Variants in BAIAP3 observed in about 807,000 individuals in gnomAD.
The protein encoded by BAIAP3 is BAI1 associated protein 3.
A neutral mutation model predicts 149.7 loss-of-function variants in BAIAP3; 180 were observed. That is an observed-to-expected ratio of 1.20 (90% CI 1.07 to 1.36). BAIAP3 has a LOEUF of 1.36. Ranked by LOEUF, BAIAP3 falls within the 40% of genes most tolerant of loss-of-function variation. The pLI is 0.00. For synonymous variants in BAIAP3, 845 were observed against 670.7 expected (o/e 1.26, Z -4.02); for missense variants, 1,767 against 1,563.4 (o/e 1.13, Z -2.20).
chr16:1,348,016 TTG>T lies in BAIAP3; in HGVS notation c.3149+2_3149+3del, dbSNP rs2034500675. 4 of 1,608,164 alleles carry T rather than the reference TTG, an allele frequency of 2.5e-6. No individual in the cohort carries two copies. The highest frequency in any genetic ancestry group is 3.4e-6 in the Non-Finnish European group (4 of 1,179,786). On this transcript the variant is annotated splice_donor_variant and coding_sequence_variant, in exon 32 of 34. Transcript: ENST00000426824. LOFTEE classifies it high-confidence loss of function. Reference sequence around the variant, plus strand: ...CCCTGTATACGACGAACTCTTCTACTTGTGAGTGTCCTAAGCCCCAGCCCCAG... The same window carrying T: ...CCCTGTATACGACGAACTCTTCTACTTGAGTGTCCTAAGCCCCAGCCCCAG...
chr16:1,346,796 G>A, intron 27 of BAIAP3, 51 bp from the exon 28 acceptor site: 3 of 376,236 alleles, frequency 8.0e-6, no homozygotes, highest in Non-Finnish European at 1.2e-5. Context: ...CTGCAGGTGG[G>A]GCCAGCGGGG....
chr16:1,348,060 GCCGGAGCGAGACTC>G, intron 32 of BAIAP3, 22 bp from the exon 33 acceptor site: 2 of 1,490,030 alleles, frequency 1.3e-6, no homozygotes, highest in Non-Finnish European at 8.8e-7. Flanking sequence ...GCTCCAGGCT[GCCGGAGCGAGACTC>G]CCGACTGGCC....
chr16:1,348,098 C>T lies in BAIAP3; in HGVS notation c.3152C>T (p.Ser1051Phe). Residue 1051 changes from serine to phenylalanine, a missense_variant and splice_region_variant, in exon 33 of 34, where the codon TCC becomes TTC. Physicochemically the swap from Ser to Phe is radical, Grantham distance 155. Coordinates refer to ENST00000426824, the MANE Select transcript of BAIAP3 (RefSeq NM_001199097.2). ...TCCCGACTGGCCTCTGTCCGCAGTTCCGTGCCTGCCGAGGCGTGCCGCCGC... is the reference window on the plus strand; with the variant it reads ...TCCCGACTGGCCTCTGTCCGCAGTTTCGTGCCTGCCGAGGCGTGCCGCCGC... Reference protein sequence around the residue: ...HPVYDELFYFSVPAEACRRRA... With the variant: ...HPVYDELFYFFVPAEACRRRA... 1.9e-6 allele frequency: 3 copies of T among 1,602,368 alleles called. No homozygotes were observed. The highest frequency in any genetic ancestry group is 1.3e-5 in the African/African-American group (1 of 75,024).
intron 3 of BAIAP3, 31 bp downstream of exon 3, chr16:1,339,020 A>C (rs969676523): frequency 2.5e-6 from 4 of 1,611,090 alleles, no homozygotes; most frequent in Admixed American, 3.3e-5. Flanking sequence ...GCCCGATACC[A>C]CAGCCCAGCA....
chr16:1,341,041 G>A (rs942901124), intron 6 of BAIAP3, 60 bp downstream of exon 6: 11 of 1,610,166 alleles, frequency 6.8e-6, no homozygotes, highest in Admixed American at 3.4e-5. Flanking sequence ...GCGGGGGCAC[G>A]GGGCAAGGCC....
In BAIAP3 at chr16:1,348,475, AC is replaced by A; in HGVS notation, c.3456del (p.Ter1153GlufsTer17). The A allele has an allele frequency of 6.2e-7, 1 of 1,608,154 alleles. No individual in the cohort carries two copies. Among genetic ancestry groups the A allele is most frequent in the Non-Finnish European group, 8.5e-7 (1 of 1,178,004 alleles). On this transcript the variant is annotated frameshift_variant, in exon 34 of 34. Coordinates refer to ENST00000426824, the MANE Select transcript of BAIAP3 (RefSeq NM_001199097.2). LOFTEE classifies it high-confidence loss of function. ...GAGCTGGAGAAGTGCATGGAGGCGG[AC>A]CCCTGAGTCCATCAGCTGCCAGCCC... ...LKELEKCMEA[D>X]P is the part of the protein sequence containing the mutation.
chr16:1,344,450 TTGG>T lies in BAIAP3; in HGVS notation c.1603-13_1603-11del, dbSNP rs2034169735. ...CTTCCCTGCAATCCACCATGCTGTCTTGGTGGTGTCTGTTGCAGAGAGGCAACC... is the reference window on the plus strand; with the variant it reads ...CTTCCCTGCAATCCACCATGCTGTCTTGGTGTCTGTTGCAGAGAGGCAACC... On this transcript the variant is annotated splice_polypyrimidine_tract_variant and intron_variant, in intron 17 of 33. Transcript: ENST00000426824. The T allele has an allele frequency of 1.2e-6, 2 of 1,613,140 alleles. No homozygotes were observed. The highest frequency in any genetic ancestry group is 1.7e-6 in the Non-Finnish European group (2 of 1,179,718).
Position 1,344,974 on chromosome 16 carries a change from TGAG to T in BAIAP3, c.1820_1822del (p.Glu607del), listed in dbSNP as rs2034211280. The T allele has an allele frequency of 6.2e-7, 1 of 1,612,988 alleles. No homozygotes were observed. The highest frequency in any genetic ancestry group is 8.5e-7 in the Non-Finnish European group (1 of 1,180,000). ...GATCCTGCTGTCCCGGACAGGTGGC[TGAG>T]GAGGCGTGGGTGCTGACGGAGGAGC... On this transcript the variant is annotated inframe_deletion, in exon 21 of 34. Transcript: ENST00000426824.
intron 22 of BAIAP3, 163 bp from the exon 23 acceptor site, chr16:1,345,584 G>A: frequency 3.8e-6 from 1 of 261,388 alleles, no homozygotes; most frequent in East Asian, 6.8e-5. Context: ...AGCAACCCCA[G>A]CCTCCCCCGC....
chr16:1,344,068 T>G lies in BAIAP3; in HGVS notation c.1433T>G (p.Leu478Arg), dbSNP rs1262156871. 3 of 1,612,398 alleles carry G rather than the reference T, an allele frequency of 1.9e-6. No individual in the cohort carries two copies. In the South Asian group the frequency reaches 3.3e-5, roughly 18 times the overall value. Residue 478 changes from leucine to arginine, a missense_variant, in exon 16 of 34, where the codon CTG (leucine) becomes CGG (arginine). By Grantham distance (102) the Leu-to-Arg change is moderately radical. Coordinates refer to ENST00000426824, the MANE Select transcript of BAIAP3 (RefSeq NM_001199097.2). ...DSLSAFSEFGLQLLRQLRDYF... is the reference protein window; with the variant it reads ...DSLSAFSEFGRQLLRQLRDYF... Reference sequence around the variant, plus strand: ...CTTTCCGCCTTCTCTGAGTTCGGGCTGCAGCTGCTGCGCCAGCTCCGAGAC... The same window carrying G: ...CTTTCCGCCTTCTCTGAGTTCGGGCGGCAGCTGCTGCGCCAGCTCCGAGAC...
chr16:1,335,640 C>T (rs1010299618), intron 1 of BAIAP3, among the ~76,000 whole-genome samples: 2 of 152,198 alleles, frequency 1.3e-5, no homozygotes, highest in African/African-American at 2.4e-5. Context: ...AGGCTATCAG[C>T]TGCCCAGGAA....
chr16:1,340,295 C>A (rs1207469439), intron 5 of BAIAP3, among the ~76,000 whole-genome samples: 1 of 142,604 alleles, frequency 7.0e-6, no homozygotes, highest in Admixed American at 7.1e-5. Flanking sequence ...CACACACAGG[C>A]TGCAGGTGCG....
At chr16:1,334,212 G>A (rs1265491875) in intron 1 of BAIAP3, among the ~76,000 whole-genome samples, 2 of 152,116 alleles carry the variant, frequency 1.3e-5, no homozygotes, top group East Asian at 3.9e-4. Context: ...TCCTCGTAAG[G>A]CCCTTTAGTC....
intron 1 of BAIAP3, among the ~76,000 whole-genome samples, chr16:1,337,144 G>A (rs1358850532): frequency 2.0e-5 from 3 of 152,204 alleles, no homozygotes; most frequent in African/African-American, 7.2e-5. Flanking sequence ...GAGGGTCTCA[G>A]GAGGCTACGG....
Position 1,347,890 on chromosome 16 carries a change from G to A in BAIAP3, c.3026-4G>A. The A allele has an allele frequency of 1.2e-6, 2 of 1,611,312 alleles. No homozygotes were observed. Among genetic ancestry groups the A allele is most frequent in the Non-Finnish European group, 1.7e-6 (2 of 1,179,796 alleles). On this transcript the variant is annotated splice_polypyrimidine_tract_variant and splice_region_variant and intron_variant, in intron 31 of 33. Transcript: ENST00000426824. ...CAGGGGGGCTCACGACTGTGCTCCT[G>A]CAGGCTTAAGTGACCCCTTTGTGAT...
chr16:1,342,358 G>A (rs1334956731), intron 11 of BAIAP3, 75 bp downstream of exon 11: 2 of 1,504,640 alleles, frequency 1.3e-6, no homozygotes, highest in Non-Finnish European at 9.1e-7. Flanking sequence ...AAGGGGCAGG[G>A]CACTGCCTGG....
At chr16:1,340,625 C>T (rs1388248690) in intron 5 of BAIAP3, among the ~76,000 whole-genome samples, 3 of 151,958 alleles carry the variant, frequency 2.0e-5, no homozygotes, top group African/African-American at 4.8e-5. Context: ...GGCTGACAGA[C>T]GCACCTCGAA....
rs772823496 is a variant in BAIAP3, at chr16:1,345,280, C to T, written c.1972C>T (p.His658Tyr). The T allele has an allele frequency of 1.2e-6, 2 of 1,613,156 alleles. No individual in the cohort carries two copies. The highest frequency in any genetic ancestry group is 1.7e-6 in the Non-Finnish European group (2 of 1,179,920). ...CCGCTCTCTGGCCCTGGCTGGCATC[C>T]ACGCCCCCTTCCTGCCTGCTGTGAA... ...DSRSLALAGI[H>Y]APFLPAVKLW... The change falls in exon 22 of 34, where the codon CAC becomes TAC. Residue 658 changes from histidine (H) to tyrosine (Y), a missense_variant. By Grantham distance (83) the His-to-Tyr change is moderately conservative. Transcript: ENST00000426824.
At position 1,345,237 on chromosome 16, in the gene BAIAP3, C is replaced by T. The variant is rs1315008133; in HGVS notation, c.1941-12C>T. ...GAGTCAGGGCCGAGCCCTCACAACC[C>T]TCCCACCACAGGGACAGCCGCTCTC... On this transcript the variant is annotated splice_polypyrimidine_tract_variant and intron_variant, in intron 21 of 33. Coordinates refer to ENST00000426824, the MANE Select transcript of BAIAP3 (RefSeq NM_001199097.2). 6 of 1,612,424 alleles carry T rather than the reference C, an allele frequency of 3.7e-6. No homozygotes were observed. The highest frequency in any genetic ancestry group is 2.2e-5 in the East Asian group (1 of 44,856).
Sources: allele counts gnomAD v4.1 joint callset (sites outside exome capture counted in the v4.1 genomes callset), GRCh38; gene constraint gnomAD v4.1.1; transcripts MANE v1.5; gene names NCBI Gene and HGNC (gene_info 2026-07-23, HGNC 2026-07-21).